Variants in TAFA2 observed in about 807,000 individuals in gnomAD.
TAFA2 encodes TAFA chemokine like family member 2.
Under a neutral mutation model 18.8 loss-of-function variants are expected in TAFA2, and 7 were observed. The observed-to-expected ratio is 0.37, with a 90% CI of 0.21 to 0.70. The LOEUF (loss-of-function observed/expected upper bound fraction) is 0.70, where lower values mean the gene tolerates loss of function less well. Ranked by LOEUF, TAFA2 falls within the 30% of genes least tolerant of loss-of-function variation. TAFA2 has a pLI of 0.53. For missense variants in TAFA2, 122 were observed against 158.1 expected (o/e 0.77, Z 1.23); for synonymous variants, 60 against 54.2 (o/e 1.11, Z -0.47).
intron 2 of TAFA2, among the ~76,000 whole-genome samples, chr12:61,771,217 C>A (rs1249731400): frequency 6.6e-6 from 1 of 151,936 alleles, no homozygotes; most frequent in Non-Finnish European, 1.5e-5. Context: ...AATATATATG[C>A]ACCTAACACT....
At chr12:62,170,652 A>G (rs2062471170) in intron 1 of TAFA2, among the ~76,000 whole-genome samples, 1 of 151,422 alleles carries the variant, frequency 6.6e-6, no homozygotes, top group South Asian at 2.1e-4. Flanking sequence ...AGGGGTACAC[A>G]TGCAGTTTTT....
chr12:62,123,268 G>A (rs1274128893), intron 1 of TAFA2, among the ~76,000 whole-genome samples: 4 of 152,130 alleles, frequency 2.6e-5, no homozygotes, highest in African/African-American at 4.8e-5. Context: ...TGTTTGGATA[G>A]TTGGTGGACT....
chr12:61,977,025 T>C (rs1384209169), intron 1 of TAFA2, among the ~76,000 whole-genome samples: 1 of 152,136 alleles, frequency 6.6e-6, no homozygotes. Context: ...TTATAATCCT[T>C]TGGGTATATA....
intron 1 of TAFA2, among the ~76,000 whole-genome samples, chr12:61,972,251 T>C (rs116068874): frequency 0.011 from 1,595 of 149,748 alleles, 26 homozygotes; most frequent in African/African-American, 0.037. Flanking sequence ...ATCACTGGCC[T>C]AAATGTAAGA....
chr12:61,977,239 A>G (rs548227854), intron 1 of TAFA2, among the ~76,000 whole-genome samples: 2 of 152,188 alleles, frequency 1.3e-5, no homozygotes, highest in East Asian at 3.9e-4. Flanking sequence ...GGTAGATGTG[A>G]TCAGCATTTC....
intron 1 of TAFA2, among the ~76,000 whole-genome samples, chr12:62,091,833 AC>A (rs1367761705): frequency 1.3e-5 from 2 of 151,962 alleles, no homozygotes; most frequent in East Asian, 3.9e-4. Context: ...ATATTTTGAA[AC>A]ACTTTTTGAA....
chr12:62,216,725 G>A (rs2062737430), intron 1 of TAFA2, among the ~76,000 whole-genome samples: 1 of 152,196 alleles, frequency 6.6e-6, no homozygotes, highest in Non-Finnish European at 1.5e-5. Context: ...ACTTGAAACA[G>A]ATAGGTGTAT....
chr12:61,863,985 A>C (rs1385660302), intron 2 of TAFA2, among the ~76,000 whole-genome samples: 2 of 152,144 alleles, frequency 1.3e-5, no homozygotes, highest in African/African-American at 2.4e-5. Flanking sequence ...GCGATTCTCC[A>C]GCTGAGACTC....
chr12:61,761,328 A>G (rs2120791774), intron 2 of TAFA2, among the ~76,000 whole-genome samples: 1 of 152,192 alleles, frequency 6.6e-6, no homozygotes, highest in Non-Finnish European at 1.5e-5. Context: ...TATACATAAT[A>G]ATATTCATTG....
chr12:61,820,948 T>C (rs1872295604), intron 2 of TAFA2, among the ~76,000 whole-genome samples: 1 of 152,010 alleles, frequency 6.6e-6, no homozygotes, highest in South Asian at 2.1e-4. Context: ...CCATAATCAA[T>C]GGACAGATGT....
Position 62,225,407 on chromosome 12 carries a change from A to C in TAFA2, c.-130+33356T>G, listed in dbSNP as rs532580887. Among the ~76,000 whole-genome samples the C allele has an allele frequency of 3.3e-5, 5 of 152,322 alleles. No individual in the cohort carries two copies. In the East Asian group the frequency reaches 9.6e-4, roughly 29 times the overall value. On this transcript the variant is annotated intron_variant, in intron 1 of 5. Coordinates refer to the TAFA2 transcript ENST00000551619. Reference sequence around the variant, plus strand: ...AATGTAAATAAATCATAAAGAAGCTATAAGAAATCATGTGAGAAAAACTGT... The same window carrying C: ...AATGTAAATAAATCATAAAGAAGCTCTAAGAAATCATGTGAGAAAAACTGT...
upstream of TAFA2, among the ~76,000 whole-genome samples, chr12:62,196,653 T>A (rs2062650278): frequency 6.6e-6 from 1 of 152,164 alleles, no homozygotes; most frequent in Admixed American, 6.5e-5. Flanking sequence ...TAGGCACAGT[T>A]CATTGCATCC....
At chr12:61,771,540 C>A (rs1351784649) in intron 2 of TAFA2, among the ~76,000 whole-genome samples, 1 of 151,882 alleles carries the variant, frequency 6.6e-6, no homozygotes, top group Non-Finnish European at 1.5e-5. Flanking sequence ...TCTCTCTGAC[C>A]ACAGTGAAAT....
chr12:61,841,989 A>C (rs1335300356), intron 2 of TAFA2, among the ~76,000 whole-genome samples: 1 of 152,056 alleles, frequency 6.6e-6, no homozygotes, highest in Non-Finnish European at 1.5e-5. Flanking sequence ...TCATGATTGG[A>C]GTTCCTTGCC....
intron 1 of TAFA2, among the ~76,000 whole-genome samples, chr12:62,094,633 T>C (rs1482697906): frequency 6.6e-6 from 1 of 152,102 alleles, no homozygotes; most frequent in Non-Finnish European, 1.5e-5. Context: ...TTATTTTGGC[T>C]AACATTGAAT....
intron 4 of TAFA2, among the ~76,000 whole-genome samples, chr12:61,719,318 C>T (rs906863479): frequency 1.3e-5 from 2 of 152,166 alleles, no homozygotes; most frequent in Admixed American, 1.3e-4. Flanking sequence ...CAATTGCCAG[C>T]CATTGTTCTA....
chr12:62,102,198 C>A lies in TAFA2; in HGVS notation c.-2+89061G>T, dbSNP rs903572677. Among the ~76,000 whole-genome samples, 8 of 152,120 alleles carry A rather than the reference C, an allele frequency of 5.3e-5. No individual in the cohort carries two copies. In the East Asian group the frequency reaches 1.5e-3, roughly 29 times the overall value. ...ATATTTTCTTTGAGTTTAAAGTAAG[C>A]AATCAGGGGAGATTCACTAGAATGT... On this transcript the variant is annotated intron_variant, in intron 1 of 4. Coordinates refer to ENST00000416284, the MANE Select transcript of TAFA2 (RefSeq NM_178539.5).
chr12:61,867,309 GA>G lies in TAFA2; in HGVS notation c.106+10del, dbSNP rs780249098. 203 of 1,455,746 alleles carry G rather than the reference GA, an allele frequency of 1.4e-4. No individual in the cohort carries two copies. The highest frequency in any genetic ancestry group is 1.8e-4 in the Non-Finnish European group (186 of 1,059,484). 90.2% of individuals were successfully genotyped at this position (1,455,746 alleles called of 1,614,324 possible). A position where few individuals can be genotyped will look rare whatever the true frequency, so the allele number is the denominator to read the frequency against. On this transcript the variant is annotated intron_variant, in intron 2 of 4. Coordinates refer to ENST00000416284, the MANE Select transcript of TAFA2 (RefSeq NM_178539.5). ...CCACATTTAGTTGAAAAAAAAAACAGAAAAGCTTACCTTTATGATGGTTTGC... is the reference window on the plus strand; with the variant it reads ...CCACATTTAGTTGAAAAAAAAAACAGAAAGCTTACCTTTATGATGGTTTGC...
intron 2 of TAFA2, among the ~76,000 whole-genome samples, chr12:61,765,541 T>G (rs1258841998): frequency 1.3e-5 from 2 of 151,958 alleles, no homozygotes; most frequent in East Asian, 3.9e-4. Flanking sequence ...GGAAATGACA[T>G]AGGAAGTAGA....
Sources: gnomAD v4.1 joint callset for allele counts (sites outside exome capture counted in the v4.1 genomes callset) on GRCh38, gnomAD v4.1.1 for gene constraint, MANE v1.5 for transcripts, NCBI Gene and HGNC (gene_info 2026-07-23, HGNC 2026-07-21) for gene names.